The following MED4 variants were observed in gnomAD, a reference collection of about 807,000 sequenced individuals.
The protein encoded by MED4 is mediator complex subunit 4.
A neutral mutation model predicts 35.0 loss-of-function variants in MED4; 21 were observed. The observed-to-expected ratio is 0.60, with a 90% CI of 0.43 to 0.86. MED4 has a LOEUF of 0.86. Among genes scored for constraint, MED4 ranks in the 40% least tolerant of loss-of-function variants. The pLI, the probability that MED4 is intolerant of heterozygous loss-of-function variation, is 0.00. For missense variants in MED4, 300 were observed against 319.4 expected, an observed-to-expected ratio of 0.94 and a Z score of 0.46; for synonymous variants, 138 against 114.0, an observed-to-expected ratio of 1.21 and a Z score of -1.34.
At chr13:48,078,069 A>C (rs1200633315) in intron 6 of MED4, among the ~76,000 whole-genome samples, 1 of 152,206 alleles carries the variant, frequency 6.6e-6, no homozygotes, top group Non-Finnish European at 1.5e-5. Context: ...GAGGTTGATT[A>C]GCAATGTATG....
chr13:48,084,527 G>A (rs1950835682), intron 3 of MED4, among the ~76,000 whole-genome samples: 1 of 152,132 alleles, frequency 6.6e-6, no homozygotes, highest in South Asian at 2.1e-4. Flanking sequence ...ATGGTCCTGT[G>A]TTCACTGTCT....
intron 2 of MED4, among the ~76,000 whole-genome samples, chr13:48,087,549 T>C (rs1469877381): frequency 6.6e-6 from 1 of 151,584 alleles, no homozygotes; most frequent in African/African-American, 2.4e-5. Flanking sequence ...ATGAAGATGA[T>C]CTTAAAAATA....
chr13:48,085,170 A>AT (rs56225303), intron 3 of MED4, among the ~76,000 whole-genome samples: 7,721 of 138,514 alleles, frequency 0.056, 293 homozygotes, highest in African/African-American at 0.085. Context: ...TGCCCAGCTA[A>AT]TTTTTTTTTT....
At chr13:48,086,581 C>A in intron 2 of MED4, 129 bp from the exon 3 acceptor site, 2 of 737,862 alleles carry the variant, frequency 2.7e-6, no homozygotes, top group South Asian at 2.0e-5. Context: ...ATTCCTAATT[C>A]TTGTTAAGAA....
intron 1 of MED4, among the ~76,000 whole-genome samples, chr13:48,094,501 C>T (rs774194282): frequency 6.6e-6 from 1 of 152,160 alleles, no homozygotes; most frequent in Non-Finnish European, 1.5e-5. Flanking sequence ...GCAGCACTTT[C>T]TTCAGAGGGC....
intron 1 of MED4, among the ~76,000 whole-genome samples, chr13:48,092,360 C>T (rs776528639): frequency 6.6e-6 from 1 of 152,230 alleles, no homozygotes; most frequent in Non-Finnish European, 1.5e-5. Context: ...GATCCGCCGG[C>T]CTCGGCCTCC....
At chr13:48,084,734 TA>T in intron 3 of MED4, among the ~76,000 whole-genome samples, 1 of 152,286 alleles carries the variant, frequency 6.6e-6, no homozygotes, top group South Asian at 2.1e-4. Flanking sequence ...GCAGCTGAAC[TA>T]AAGACAATTT....
At chr13:48,080,995 T>C (rs1194055834) in intron 5 of MED4, among the ~76,000 whole-genome samples, 1 of 152,204 alleles carries the variant, frequency 6.6e-6, no homozygotes, top group African/African-American at 2.4e-5. Flanking sequence ...CAACTGCAGC[T>C]TATCCATCCC....
Position 48,091,920 on chromosome 13 carries a change from T to A in MED4, c.126-1502A>T, listed in dbSNP as rs148996534. On this transcript the variant is annotated intron_variant, in intron 1 of 6. Coordinates refer to ENST00000258648, the MANE Select transcript of MED4 (RefSeq NM_014166.4). The stretch of plus-strand genomic sequence containing the variant: ...TAAATGAGAGAAGTCAGCCAAGATG[T>A]CTGGAAGGAAAGAGCACAGTAGAAG... Among the ~76,000 whole-genome samples the A allele has an allele frequency of 2.8e-3, 430 of 152,194 alleles. 1 individual carries two copies. The highest frequency in any genetic ancestry group is 9.6e-3 in the African/African-American group (400 of 41,516).
At chr13:48,080,106 A>T in intron 5 of MED4, 131 bp from the exon 6 acceptor site, 1 of 1,038,642 alleles carries the variant, frequency 9.6e-7, no homozygotes, top group South Asian at 1.5e-5. Flanking sequence ...TGAAATACAG[A>T]AGTCATCTGG....
At chr13:48,078,809 G>C (rs1950781025) in intron 6 of MED4, among the ~76,000 whole-genome samples, 1 of 152,040 alleles carries the variant, frequency 6.6e-6, no homozygotes, top group Non-Finnish European at 1.5e-5. Context: ...GAGTTCCCCT[G>C]GTTGTACTTT....
At chr13:48,089,645 G>A (rs1950876770) in intron 2 of MED4, among the ~76,000 whole-genome samples, 1 of 152,152 alleles carries the variant, frequency 6.6e-6, no homozygotes, top group Admixed American at 6.5e-5. Flanking sequence ...CCAGATACTG[G>A]TGAGGATAAG....
chr13:48,089,921 TA>T (rs1405508638), intron 2 of MED4, among the ~76,000 whole-genome samples: 3 of 152,244 alleles, frequency 2.0e-5, no homozygotes, highest in Admixed American at 2.0e-4. Flanking sequence ...CAATGTCTAA[TA>T]AGAGTTGTAT....
At position 48,093,684 on chromosome 13, in the gene MED4, G is replaced by A. The variant is rs1426276760; in HGVS notation, c.125+1270C>T. 1.2e-5 allele frequency: 5 copies of A among 422,262 alleles called. No individual in the cohort carries two copies. The Admixed American group carries it at 1.5e-4, about 13-fold the overall frequency. 26.2% of individuals were successfully genotyped at this position (422,262 alleles called of 1,614,324 possible). ...ATTATAGGCGTGAGCCACCACACCC[G>A]GCCCTAATACAGTTTATTTTAAACA... On this transcript the variant is annotated intron_variant, in intron 1 of 6. Transcript: ENST00000258648.
chr13:48,086,880 T>A (rs1279617577), intron 2 of MED4, among the ~76,000 whole-genome samples: 3 of 152,018 alleles, frequency 2.0e-5, no homozygotes, highest in South Asian at 2.1e-4. Context: ...TGAAACCCCA[T>A]CTCTACTAAA....
At position 48,086,378 on chromosome 13, in the gene MED4, A is replaced by C. The variant is rs1473964605; in HGVS notation, c.267T>G (p.Ile89Met). The C allele has an allele frequency of 6.2e-7, 1 of 1,613,238 alleles. No individual in the cohort carries two copies. Among genetic ancestry groups the C allele is most frequent in the Non-Finnish European group, 8.5e-7 (1 of 1,179,770 alleles). The part of the protein sequence containing the change: ...LMKLALNQGK[I>M]HHEMQVLEKE... Reference sequence around the variant, plus strand: ...TTTCTAAAACTTGCATTTCATGATGAATTTTTCCCTGATTAAGTGCCAATT... The same window carrying C: ...TTTCTAAAACTTGCATTTCATGATGCATTTTTCCCTGATTAAGTGCCAATT... The change falls in exon 3 of 7, where the codon ATT (isoleucine) becomes ATG (methionine). Residue 89 changes from isoleucine to methionine, a missense_variant. By Grantham distance (10) the Ile-to-Met change is conservative. Transcript: ENST00000258648.
intron 2 of MED4, 72 bp from the exon 3 acceptor site, chr13:48,086,524 C>G: frequency 1.4e-6 from 2 of 1,386,060 alleles, no homozygotes; most frequent in Non-Finnish European, 2.0e-6. Flanking sequence ...ACAAAGAATC[C>G]GTAACTGAAT....
chr13:48,093,507 T>C lies in MED4; in HGVS notation c.125+1447A>G, dbSNP rs1368700187. The C allele has an allele frequency of 1.0e-5, 4 of 400,914 alleles. No homozygotes were observed. In the Admixed American group the frequency reaches 1.3e-4, roughly 13 times the overall value. 24.8% of individuals were successfully genotyped at this position (400,914 alleles called of 1,614,324 possible). A position where few individuals can be genotyped will look rare whatever the true frequency, so the allele number is the denominator to read the frequency against. ...CCAGACACAAATTACATTCAGAGACTGACAAACTTCACAGATCACAGAATC... is the reference window on the plus strand; with the variant it reads ...CCAGACACAAATTACATTCAGAGACCGACAAACTTCACAGATCACAGAATC... On this transcript the variant is annotated intron_variant, in intron 1 of 6. Transcript: ENST00000258648.
At position 48,079,982 on chromosome 13, in the gene MED4, C is replaced by T. The variant is rs1447713975; in HGVS notation, c.509-7G>A. The T allele has an allele frequency of 1.2e-6, 2 of 1,610,560 alleles. No homozygotes were observed. The highest frequency in any genetic ancestry group is 2.2e-5 in the East Asian group (1 of 44,770). On this transcript the variant is annotated splice_region_variant and splice_polypyrimidine_tract_variant and intron_variant, in intron 5 of 6. Coordinates refer to ENST00000258648, the MANE Select transcript of MED4 (RefSeq NM_014166.4). Reference sequence around the variant, plus strand: ...TAGGGTCTCCGGGGGTCCCCTAAAACAATAAAGACTGCATTTAATTCAATC... The same window carrying T: ...TAGGGTCTCCGGGGGTCCCCTAAAATAATAAAGACTGCATTTAATTCAATC...
Sources: allele counts gnomAD v4.1 joint callset (sites outside exome capture counted in the v4.1 genomes callset), GRCh38; gene constraint gnomAD v4.1.1; transcripts MANE v1.5; gene names NCBI Gene and HGNC (gene_info 2026-07-23, HGNC 2026-07-21).